GLIS3: variants seen among roughly 807,000 people sequenced by gnomAD.
GLIS3 encodes zinc finger protein GLIS3.
Under a neutral mutation model 78.6 loss-of-function variants are expected in GLIS3, and 53 were observed. The observed-to-expected ratio is 0.67, with a 90% CI of 0.54 to 0.85. The LOEUF is 0.85. GLIS3 is among the 40% of genes least tolerant of loss of function. The pLI is 0.00. For missense variants in GLIS3, 1,703 were observed against 1,231.1 expected, an observed-to-expected ratio of 1.38 and a Z score of -5.74; for synonymous variants, 684 against 509.9, an observed-to-expected ratio of 1.34 and a Z score of -4.60.
At chr9:4,288,989 TATG>T (rs1828227781) in intron 1 of GLIS3, among the ~76,000 whole-genome samples, 1 of 152,196 alleles carries the variant, frequency 6.6e-6, no homozygotes, top group South Asian at 2.1e-4. Flanking sequence ...CATCTATTTA[TATG>T]ATAATATTTT....
chr9:4,059,202 G>C (rs1826415171), intron 4 of GLIS3, among the ~76,000 whole-genome samples: 2 of 152,180 alleles, frequency 1.3e-5, no homozygotes, highest in South Asian at 2.1e-4. Context: ...GCACAGACGA[G>C]ATTTCAGACA....
chr9:4,281,724 G>C (rs900128699), intron 2 of GLIS3, among the ~76,000 whole-genome samples: 1 of 152,166 alleles, frequency 6.6e-6, no homozygotes, highest in African/African-American at 2.4e-5. Flanking sequence ...GGTGTCAAAA[G>C]TACTTGCTGC....
chr9:3,930,062 C>A (rs896787513), intron 6 of GLIS3, among the ~76,000 whole-genome samples: 1 of 152,168 alleles, frequency 6.6e-6, no homozygotes, highest in Non-Finnish European at 1.5e-5. Context: ...ACTGCTTCTC[C>A]GGGAATGACA....
At chr9:3,995,631 T>C (rs1017911612) in intron 4 of GLIS3, among the ~76,000 whole-genome samples, 4 of 152,048 alleles carry the variant, frequency 2.6e-5, no homozygotes, top group African/African-American at 9.7e-5. Context: ...AAATAAAATC[T>C]ACTTCTAAAA....
chr9:4,460,517 G>C, the GLIS3 span, among the ~76,000 whole-genome samples: 1 of 152,186 alleles, frequency 6.6e-6, no homozygotes, highest in Non-Finnish European at 1.5e-5. Context: ...TCCAAGTTTA[G>C]CTTGATGTCC....
the GLIS3 span, among the ~76,000 whole-genome samples, chr9:4,439,460 C>T: frequency 6.6e-6 from 1 of 152,300 alleles, no homozygotes; most frequent in East Asian, 1.9e-4. Flanking sequence ...CACAGGCACT[C>T]ACTTGTCTGG....
intron 4 of GLIS3, among the ~76,000 whole-genome samples, chr9:4,032,870 CT>C (rs1339763544): frequency 2.0e-5 from 3 of 150,754 alleles, no homozygotes; most frequent in African/African-American, 7.3e-5. Flanking sequence ...TTTTTTTTTC[CT>C]GAGACAGAGT....
At chr9:3,836,350 T>C (rs1245346586) in intron 9 of GLIS3, among the ~76,000 whole-genome samples, 3 of 152,242 alleles carry the variant, frequency 2.0e-5, no homozygotes, top group African/African-American at 4.8e-5. Context: ...CCGCAGAGAC[T>C]ATAATTTTGT....
chr9:4,350,165 A>G (rs1817949766), upstream of GLIS3, among the ~76,000 whole-genome samples: 1 of 152,214 alleles, frequency 6.6e-6, no homozygotes, highest in South Asian at 2.1e-4. Context: ...GAGAGCTATC[A>G]CAAGGCCCAG....
the GLIS3 span, among the ~76,000 whole-genome samples, chr9:4,366,458 A>G: frequency 2.1e-4 from 32 of 151,960 alleles, 1 homozygote; most frequent in Non-Finnish European, 5.9e-5. Context: ...GCTTGACTAG[A>G]TTTTTCCCGC....
chr9:4,306,203 C>G (rs1455085631), intron 4 of GLIS3, among the ~76,000 whole-genome samples: 1 of 152,126 alleles, frequency 6.6e-6, no homozygotes. Flanking sequence ...CCTCAGCCTC[C>G]TAAGGAGCTG....
intron 4 of GLIS3, among the ~76,000 whole-genome samples, chr9:4,032,315 C>T (rs1343288962): frequency 6.6e-6 from 1 of 152,212 alleles, no homozygotes; most frequent in South Asian, 2.1e-4. Flanking sequence ...GCTCTAAAAT[C>T]TGCATTCCAG....
chr9:4,261,048 G>C (rs1203850995), intron 2 of GLIS3, among the ~76,000 whole-genome samples: 1 of 152,182 alleles, frequency 6.6e-6, no homozygotes, highest in East Asian at 1.9e-4. Flanking sequence ...TGTAGTACTA[G>C]AATTAGAGAT....
chr9:4,090,187 C>A (rs1564031526), intron 4 of GLIS3, among the ~76,000 whole-genome samples: 1 of 152,088 alleles, frequency 6.6e-6, no homozygotes, highest in Non-Finnish European at 1.5e-5. Context: ...TTGCCCCTTC[C>A]CTTCTACACA....
chr9:4,344,342 A>G (rs1409978413), intron 2 of GLIS3, among the ~76,000 whole-genome samples: 1 of 152,006 alleles, frequency 6.6e-6, no homozygotes, highest in Non-Finnish European at 1.5e-5. Context: ...TCCTCATCCT[A>G]TTTCACCTGC....
chr9:4,158,613 C>T (rs906143786), intron 2 of GLIS3, among the ~76,000 whole-genome samples: 1 of 152,162 alleles, frequency 6.6e-6, no homozygotes, highest in African/African-American at 2.4e-5. Context: ...AAGGTTTTCA[C>T]TACTAAATGT....
At chr9:3,886,779 A>G (rs528780905) in intron 7 of GLIS3, among the ~76,000 whole-genome samples, 16 of 152,336 alleles carry the variant, frequency 1.1e-4, no homozygotes, top group African/African-American at 2.6e-4. Context: ...TTCACAAACC[A>G]GAAAGAGATT....
intron 2 of GLIS3, among the ~76,000 whole-genome samples, chr9:4,249,864 CTAT>C (rs1824184310): frequency 6.6e-6 from 1 of 152,174 alleles, no homozygotes; most frequent in Admixed American, 6.5e-5. Context: ...TTTTGTGCAT[CTAT>C]TGAGATAACC....
chr9:4,225,454 C>T (rs528731295), intron 2 of GLIS3, among the ~76,000 whole-genome samples: 90 of 152,156 alleles, frequency 5.9e-4, no homozygotes, highest in Non-Finnish European at 1.0e-3. Flanking sequence ...CATTGGAATT[C>T]AGTGATGGCA....
Sources: gnomAD v4.1 joint callset for allele counts (sites outside exome capture counted in the v4.1 genomes callset) on GRCh38, gnomAD v4.1.1 for gene constraint, MANE v1.5 for transcripts, NCBI Gene and HGNC (gene_info 2026-07-23, HGNC 2026-07-21) for gene names.